The following TCP11L2 variants were observed in gnomAD, a reference collection of about 807,000 sequenced individuals.
The protein encoded by TCP11L2 is T-complex protein 11-like protein 2.
A neutral mutation model predicts 50.7 loss-of-function variants in TCP11L2; 39 were observed. The observed-to-expected ratio is 0.77, with a 90% CI of 0.60 to 1.01. The LOEUF (loss-of-function observed/expected upper bound fraction) is 1.01, where lower values mean the gene tolerates loss of function less well. Among genes scored for constraint, TCP11L2 ranks in the 50% least tolerant of loss-of-function variants. TCP11L2 has a pLI of 0.00. For missense variants in TCP11L2, 612 were observed against 614.7 expected, an observed-to-expected ratio of 1.00 and a Z score of 0.05; for synonymous variants, 192 against 219.3, an observed-to-expected ratio of 0.88 and a Z score of 1.10.
Position 106,319,073 on chromosome 12 carries a change from A to G in TCP11L2, c.414+609A>G, listed in dbSNP as rs376751605. Among the ~76,000 whole-genome samples the G allele has an allele frequency of 5.1e-3, 776 of 152,080 alleles. 3 individuals carry two copies. The highest frequency in any genetic ancestry group is 8.0e-3 in the Non-Finnish European group (546 of 67,980). On this transcript the variant is annotated intron_variant, in intron 4 of 9. Coordinates refer to ENST00000299045, the MANE Select transcript of TCP11L2 (RefSeq NM_152772.3). ...ACTACAGGCGCCCGCCACCGCGCCC[A>G]GCTAATTTTTTGTATTTTTAGTAGA...
At chr12:106,318,298 A>G in intron 3 of TCP11L2, 46 bp from the exon 4 acceptor site, 1 of 1,593,642 alleles carries the variant, frequency 6.3e-7, no homozygotes, top group Non-Finnish European at 8.6e-7. Context: ...TATAATCAGG[A>G]AAAAGTTATG....
chr12:106,325,479 G>A (rs898390372), intron 6 of TCP11L2: 2 of 152,274 alleles, frequency 1.3e-5, no homozygotes, highest in Non-Finnish European at 2.9e-5. Flanking sequence ...GGCATGTTTG[G>A]ATTTGACAAG....
At chr12:106,300,335 T>C (rs2034389602), upstream of TCP11L2, among the ~76,000 whole-genome samples, 1 of 152,104 alleles carries the variant, frequency 6.6e-6, no homozygotes, top group African/African-American at 2.4e-5. Context: ...TTGTTTTTGT[T>C]TTGTTTTGTT....
chr12:106,332,550 G>T (rs1196972823), intron 6 of TCP11L2, among the ~76,000 whole-genome samples: 3 of 152,172 alleles, frequency 2.0e-5, no homozygotes, highest in Non-Finnish European at 4.4e-5. Flanking sequence ...TTATTTTGCT[G>T]GTCTGCTCAG....
At position 106,308,499 on chromosome 12, in the gene TCP11L2, T is replaced by C. The variant is rs144693541; in HGVS notation, c.-35-2542T>C. ...AAAACTATTAAGCTAGTTCATAAAT[T>C]CTCATGGCTGGAAGCTCTTATTCAA... On this transcript the variant is annotated intron_variant, in intron 1 of 9. Coordinates refer to ENST00000299045, the MANE Select transcript of TCP11L2 (RefSeq NM_152772.3). Among the ~76,000 whole-genome samples the C allele has an allele frequency of 4.1e-3, 627 of 152,316 alleles. 8 individuals are homozygous for C. The highest frequency in any genetic ancestry group is 0.014 in the African/African-American group (596 of 41,572).
intron 3 of TCP11L2, among the ~76,000 whole-genome samples, chr12:106,316,979 A>T (rs112211904): frequency 1.3e-5 from 2 of 152,322 alleles, no homozygotes; most frequent in African/African-American, 4.8e-5. Context: ...AGGCTCAGAC[A>T]GACTGTGGGG....
chr12:106,323,748 A>AAAT (rs60918030), intron 6 of TCP11L2, 102 bp downstream of exon 6: 87,942 of 283,624 alleles, frequency 0.31, 14,651 homozygotes, highest in East Asian at 0.57. Context: ...TTAAATTAAT[A>AAAT]AATAAATAAA....
chr12:106,340,271 A>G (rs138462999), intron 8 of TCP11L2, among the ~76,000 whole-genome samples: 10 of 152,304 alleles, frequency 6.6e-5, no homozygotes, highest in Admixed American at 5.9e-4. Flanking sequence ...TCTGGACTCT[A>G]TATATTGGAG....
chr12:106,334,984 C>G (rs1026146063), intron 6 of TCP11L2, among the ~76,000 whole-genome samples: 28 of 152,074 alleles, frequency 1.8e-4, no homozygotes, highest in African/African-American at 6.0e-4. Flanking sequence ...CAAAACTCCC[C>G]ATTCCCATCG....
chr12:106,343,105 C>G (rs2036136129), intron 9 of TCP11L2, among the ~76,000 whole-genome samples: 1 of 152,222 alleles, frequency 6.6e-6, no homozygotes, highest in Non-Finnish European at 1.5e-5. Flanking sequence ...AAGCCAAGGA[C>G]ACGCCTTTGG....
upstream of TCP11L2, among the ~76,000 whole-genome samples, chr12:106,300,755 T>C (rs1325915305): frequency 6.6e-6 from 1 of 152,214 alleles, no homozygotes; most frequent in Non-Finnish European, 1.5e-5. Context: ...TCTTTTCTTA[T>C]CTCAGCTTGG....
intron 3 of TCP11L2, among the ~76,000 whole-genome samples, chr12:106,316,176 A>T (rs1294392329): frequency 2.6e-5 from 4 of 152,174 alleles, no homozygotes; most frequent in African/African-American, 9.7e-5. Flanking sequence ...GGCCACCGTC[A>T]TCTGTGGCCT....
At chr12:106,344,408 T>A (rs772677396) in intron 9 of TCP11L2, among the ~76,000 whole-genome samples, 9 of 152,148 alleles carry the variant, frequency 5.9e-5, no homozygotes, top group African/African-American at 1.7e-4. Flanking sequence ...AGAGACACCT[T>A]CTCAACTGGC....
intron 9 of TCP11L2, among the ~76,000 whole-genome samples, chr12:106,342,694 A>C (rs1377429335): frequency 1.3e-5 from 2 of 152,214 alleles, no homozygotes; most frequent in Admixed American, 1.3e-4. Flanking sequence ...GGAGACTTGG[A>C]GAGGTTAAAT....
At chr12:106,338,307 C>T (rs1004027622) in intron 8 of TCP11L2, among the ~76,000 whole-genome samples, 1 of 152,116 alleles carries the variant, frequency 6.6e-6, no homozygotes, top group Non-Finnish European at 1.5e-5. Context: ...CAACCCTCAC[C>T]CTCCTCCAGA....
intron 2 of TCP11L2, among the ~76,000 whole-genome samples, chr12:106,312,007 A>G (rs1220143217): frequency 6.6e-6 from 1 of 152,246 alleles, no homozygotes; most frequent in African/African-American, 2.4e-5. Context: ...ATACATAAGA[A>G]TAGAGAAAAG....
intron 4 of TCP11L2, among the ~76,000 whole-genome samples, chr12:106,319,889 G>C (rs999467665): frequency 3.4e-4 from 51 of 152,170 alleles, no homozygotes; most frequent in Non-Finnish European, 7.1e-4. Context: ...CAATAAATAG[G>C]CTGCTTGTAT....
chr12:106,344,530 A>G (rs919641873), intron 9 of TCP11L2, among the ~76,000 whole-genome samples: 2 of 152,176 alleles, frequency 1.3e-5, no homozygotes, highest in Non-Finnish European at 2.9e-5. Context: ...GATGAGATGA[A>G]ATGAGATGAG....
At chr12:106,314,645 T>G in intron 3 of TCP11L2, 152 bp downstream of exon 3, 2 of 707,444 alleles carry the variant, frequency 2.8e-6, no homozygotes, top group Non-Finnish European at 4.5e-6. Flanking sequence ...TTCCTGGAAG[T>G]TCTTGTATAA....
Sources: gnomAD v4.1 joint callset for allele counts (sites outside exome capture counted in the v4.1 genomes callset) on GRCh38, gnomAD v4.1.1 for gene constraint, MANE v1.5 for transcripts, NCBI Gene and HGNC (gene_info 2026-07-23, HGNC 2026-07-21) for gene names.